Variants in PADI1 observed in about 807,000 individuals in gnomAD.
PADI1 encodes peptidyl arginine deiminase 1.
In PADI1, 65 loss-of-function variants were observed where a neutral mutation model predicts 74.8. That is an observed-to-expected ratio of 0.87 (90% confidence interval 0.71 to 1.07). The LOEUF (loss-of-function observed/expected upper bound fraction) is 1.07, where lower values mean the gene tolerates loss of function less well. Ranked by LOEUF, PADI1 falls within the 50% of genes least tolerant of loss-of-function variation. The probability of loss-of-function intolerance (pLI) is 0.00; values close to 1 mark genes in which losing one functional copy is unlikely to be tolerated. For missense variants in PADI1, 943 were observed against 854.0 expected (o/e 1.10, Z -1.30); for synonymous variants, 371 against 336.2 (o/e 1.10, Z -1.13).
chr1:17,213,447 G>A (rs760810773), intron 1 of PADI1, among the ~76,000 whole-genome samples: 5 of 152,122 alleles, frequency 3.3e-5, no homozygotes, highest in South Asian at 2.1e-4. Flanking sequence ...CTTTGCAGTC[G>A]GCTTCACCCC....
At chr1:17,240,329 G>C (rs952846214) in intron 14 of PADI1, 6 of 294,504 alleles carry the variant, frequency 2.0e-5, no homozygotes, top group African/African-American at 8.6e-5. Context: ...GCTGAGAAGG[G>C]ACAGGAGCAT....
intron 11 of PADI1, among the ~76,000 whole-genome samples, chr1:17,234,549 T>A (rs1022908199): frequency 2.6e-5 from 4 of 152,234 alleles, no homozygotes; most frequent in African/African-American, 9.6e-5. Context: ...GCTACCTCAT[T>A]TAATTTCTAC....
intron 4 of PADI1, among the ~76,000 whole-genome samples, chr1:17,225,468 G>A (rs2072281304): frequency 6.6e-6 from 1 of 152,198 alleles, no homozygotes; most frequent in South Asian, 2.1e-4. Context: ...CAAGGTCATG[G>A]CAGGCAGCCT....
intron 2 of PADI1, 28 bp from the exon 3 acceptor site, chr1:17,223,593 C>T (rs1239789628): frequency 5.7e-6 from 9 of 1,586,060 alleles, no homozygotes; most frequent in Admixed American, 1.7e-5. Flanking sequence ...AGGTGATGGC[C>T]GTGCAGGCTT....
chr1:17,237,788 C>T (rs1307403388), intron 12 of PADI1, among the ~76,000 whole-genome samples: 1 of 152,148 alleles, frequency 6.6e-6, no homozygotes, highest in Non-Finnish European at 1.5e-5. Flanking sequence ...TTATTATTGT[C>T]CCATTTTACA....
rs111566719 is a variant in PADI1 at position 17,205,771 on chromosome 1, A to G, written c.92+462A>G. 3.3e-3 allele frequency among the ~76,000 whole-genome samples: 498 copies of G among 152,244 alleles called. 3 individuals are homozygous for G. The highest frequency in any genetic ancestry group is 0.011 in the African/African-American group (477 of 41,550). ...TTGGAGGTCAGCCAGAGATAACTAG[A>G]TTGATTCCAATCAGGAGGGAGTGGT... On this transcript the variant is annotated intron_variant, in intron 1 of 15. Coordinates refer to ENST00000375471, the MANE Select transcript of PADI1 (RefSeq NM_013358.3).
chr1:17,212,183 GGA>G (rs1309447077), intron 1 of PADI1, among the ~76,000 whole-genome samples: 4 of 152,324 alleles, frequency 2.6e-5, no homozygotes, highest in African/African-American at 9.6e-5. Flanking sequence ...GGTCACCCCA[GGA>G]GATTTGCTGG....
At chr1:17,237,772 G>A (rs1019560206) in intron 12 of PADI1, among the ~76,000 whole-genome samples, 3 of 152,178 alleles carry the variant, frequency 2.0e-5, no homozygotes, top group Non-Finnish European at 4.4e-5. Context: ...CGTCAAGTGG[G>A]TGCAATTATT....
intron 1 of PADI1, among the ~76,000 whole-genome samples, chr1:17,208,572 T>A (rs12735656): frequency 0.39 from 14,701 of 38,086 alleles, 2,131 homozygotes; most frequent in Admixed American, 0.44. Context: ...CCGACTCCAG[T>A]GGGCTAGCTC....
intron 1 of PADI1, among the ~76,000 whole-genome samples, chr1:17,221,985 C>T (rs1179961733): frequency 6.6e-6 from 1 of 152,172 alleles, no homozygotes; most frequent in African/African-American, 2.4e-5. Context: ...GTGGCTTGGG[C>T]CGCAGTGATG....
Position 17,225,838 on chromosome 1 carries a change from T to C in PADI1, c.436T>C (p.Tyr146His), listed in dbSNP as rs2072292151. ...KKTWRWGPEG[Y>H]GAILLVNCDR... is the part of the protein sequence containing the mutation. ...AACCTGGCGCTGGGGCCCTGAGGGC[T>C]ATGGGGCTATCTTGCTGGTGAACTG... Residue 146 changes from tyrosine to histidine, a missense_variant, in exon 5 of 16, where the codon TAT becomes CAT. Transcript: ENST00000375471. 1.9e-6 allele frequency: 3 copies of C among 1,614,000 alleles called. No individual in the cohort carries two copies. The highest frequency in any genetic ancestry group is 1.6e-4 in the Middle Eastern group (1 of 6,082).
rs1166429052 is a variant in PADI1 at position 17,228,976 on chromosome 1, A to C, written c.854A>C (p.Asp285Ala). Reference sequence around the variant, plus strand: ...CTGCCCGAGGTGACCCTCTTCACAGACACTGTGGGCTTCCGCATGGCCCCC... The same window carrying C: ...CTGCCCGAGGTGACCCTCTTCACAGCCACTGTGGGCTTCCGCATGGCCCCC... ...GTLPEVTLFT[D>A]TVGFRMAPWI... is the part of the protein sequence containing the mutation. The change falls in exon 8 of 16, where the codon GAC becomes GCC. Residue 285 changes from aspartate to alanine, a missense_variant. Asp to Ala is a moderately radical substitution (Grantham distance 126). Transcript: ENST00000375471. 6.2e-7 allele frequency: 1 copy of C among 1,600,372 alleles called. No individual in the cohort carries two copies. The highest frequency in any genetic ancestry group is 8.5e-7 in the Non-Finnish European group (1 of 1,172,796).
At chr1:17,215,745 G>A (rs1013249959) in intron 1 of PADI1, among the ~76,000 whole-genome samples, 5 of 152,208 alleles carry the variant, frequency 3.3e-5, no homozygotes, top group Non-Finnish European at 4.4e-5. Flanking sequence ...AGAACGCGTT[G>A]ATTGTGCCCC....
Position 17,228,668 on chromosome 1 carries a change from G to C in PADI1, c.696G>C (p.Gln232His), listed in dbSNP as rs149421919. ...LSDYKQVLGP[Q>H]CLSYEVERQP... is the part of the protein sequence containing the mutation. ...ACTACAAACAGGTGCTGGGGCCCCA[G>C]TGTCTGTCCTATGAAGTTGAGCGAC... Residue 232 changes from glutamine (Q) to histidine (H), a missense_variant, in exon 7 of 16, where the codon CAG (glutamine) becomes CAC (histidine). Gln to His is a conservative substitution (Grantham distance 24). Coordinates refer to ENST00000375471, the MANE Select transcript of PADI1 (RefSeq NM_013358.3). 4 of 1,614,054 alleles carry C rather than the reference G, an allele frequency of 2.5e-6. No individual in the cohort carries two copies. In the African/African-American group the frequency reaches 5.3e-5, roughly 22 times the overall value.
chr1:17,209,626 A>C, intron 1 of PADI1, among the ~76,000 whole-genome samples: 1 of 149,610 alleles, frequency 6.7e-6, no homozygotes, highest in Non-Finnish European at 1.5e-5. Context: ...CCGCCTCCTT[A>C]CCCCTTCCTG....
chr1:17,234,018 C>T (rs1262577033), intron 11 of PADI1, among the ~76,000 whole-genome samples: 3 of 152,160 alleles, frequency 2.0e-5, no homozygotes, highest in Non-Finnish European at 4.4e-5. Context: ...GGCAGACGGT[C>T]CTTGAGGCCT....
Position 17,239,686 on chromosome 1 carries a change from G to A in PADI1, c.1553-18G>A. On this transcript the variant is annotated intron_variant, in intron 13 of 15. Coordinates refer to ENST00000375471, the MANE Select transcript of PADI1 (RefSeq NM_013358.3). ...GGCAGTGCTCCCTGAGCTATGTACT[G>A]TCTTTCTCTTCTTGCAGGGTTAAAA... 6.2e-7 allele frequency: 1 copy of A among 1,603,256 alleles called. No homozygotes were observed. The highest frequency in any genetic ancestry group is 8.5e-7 in the Non-Finnish European group (1 of 1,170,130).
rs1326316855 is a variant in PADI1 at position 17,222,358 on chromosome 1, AC to A, written c.162del (p.Tyr54Ter). On this transcript the variant is annotated frameshift_variant, in exon 2 of 16. Transcript: ENST00000375471. LOFTEE classifies it high-confidence loss of function. ...TCCGGGGTGGAGGTCTTCATGGTCT[AC>A]AACCGCACACGTGTGAAAGAGCCCA... ...GSSGVEVFMV[Y>X]NRTRVKEPIG... 1 of 1,613,852 alleles carries A rather than the reference AC, an allele frequency of 6.2e-7. No individual in the cohort carries two copies. The highest frequency in any genetic ancestry group is 2.2e-5 in the East Asian group (1 of 44,890).
intron 1 of PADI1, among the ~76,000 whole-genome samples, chr1:17,218,107 G>A (rs2072028949): frequency 6.6e-6 from 1 of 152,170 alleles, no homozygotes; most frequent in African/African-American, 2.4e-5. Context: ...TAAACTTATG[G>A]AGGAAAGAAT....
Sources: allele counts gnomAD v4.1 joint callset (sites outside exome capture counted in the v4.1 genomes callset), GRCh38; gene constraint gnomAD v4.1.1; transcripts MANE v1.5; gene names NCBI Gene and HGNC (gene_info 2026-07-23, HGNC 2026-07-21).